The following KCND3 variants were observed in gnomAD, a reference collection of about 807,000 sequenced individuals.
KCND3 encodes A-type voltage-gated potassium channel KCND3.
A neutral mutation model predicts 51.1 loss-of-function variants in KCND3; 9 were observed. The ratio of observed to expected loss-of-function variants is 0.18; its 90% CI spans 0.11 to 0.31. The LOEUF is 0.31. Ranked by LOEUF, KCND3 falls within the 10% of genes least tolerant of loss-of-function variation. The pLI is 1.00. For missense variants in KCND3, 526 were observed against 903.8 expected, an observed-to-expected ratio of 0.58 and a Z score of 5.36; for synonymous variants, 349 against 368.0, an observed-to-expected ratio of 0.95 and a Z score of 0.59.
intron 2 of KCND3, among the ~76,000 whole-genome samples, chr1:111,808,378 G>A (rs184228047): frequency 5.9e-5 from 9 of 152,288 alleles, no homozygotes; most frequent in Admixed American, 1.3e-4. Flanking sequence ...CAATGAATGC[G>A]AGAGTTAAAG....
intron 2 of KCND3, among the ~76,000 whole-genome samples, chr1:111,792,097 A>G (rs1412050328): frequency 6.6e-6 from 1 of 152,194 alleles, no homozygotes; most frequent in African/African-American, 2.4e-5. Context: ...TAGAGAAGGG[A>G]GGCTGGGATG....
intron 2 of KCND3, among the ~76,000 whole-genome samples, chr1:111,979,201 C>G (rs1674806566): frequency 6.6e-6 from 1 of 152,142 alleles, no homozygotes; most frequent in Non-Finnish European, 1.5e-5. Flanking sequence ...TTCCTTTCAC[C>G]CTCCAGCAGA....
intron 2 of KCND3, among the ~76,000 whole-genome samples, chr1:111,971,578 AT>A (rs572942746): frequency 8.6e-5 from 13 of 151,504 alleles, no homozygotes; most frequent in African/African-American, 3.2e-4. Flanking sequence ...AATCTCATCT[AT>A]TTTTTCTGCT....
chr1:111,987,039 G>A (rs956008685), intron 1 of KCND3, among the ~76,000 whole-genome samples: 1 of 152,102 alleles, frequency 6.6e-6, no homozygotes, highest in Non-Finnish European at 1.5e-5. Context: ...GGTTCAAGAG[G>A]CAAAAAGTAA....
At chr1:111,937,166 T>C (rs994644680) in intron 2 of KCND3, among the ~76,000 whole-genome samples, 4 of 152,078 alleles carry the variant, frequency 2.6e-5, no homozygotes, top group African/African-American at 9.7e-5. Flanking sequence ...GGCCATTTCC[T>C]GAGATAAGGA....
At chr1:111,777,527 A>G (rs1471138405) in intron 6 of KCND3, among the ~76,000 whole-genome samples, 1 of 152,250 alleles carries the variant, frequency 6.6e-6, no homozygotes, top group Non-Finnish European at 1.5e-5. Context: ...ATGATGTGAC[A>G]TATACTTCAC....
intron 2 of KCND3, among the ~76,000 whole-genome samples, chr1:111,970,569 A>T (rs150751466): frequency 1.5e-4 from 23 of 152,228 alleles, no homozygotes; most frequent in African/African-American, 5.5e-4. Context: ...TCCTTGACTC[A>T]CGCCTCTGAC....
intron 2 of KCND3, among the ~76,000 whole-genome samples, chr1:111,955,520 G>GC (rs1430646944): frequency 1.3e-5 from 2 of 152,154 alleles, no homozygotes; most frequent in African/African-American, 4.8e-5. Flanking sequence ...TGGATGGGGG[G>GC]CCACATTTCT....
At chr1:111,863,173 A>C (rs1444972686) in intron 2 of KCND3, among the ~76,000 whole-genome samples, 1 of 152,252 alleles carries the variant, frequency 6.6e-6, no homozygotes, top group Non-Finnish European at 1.5e-5. Flanking sequence ...GGCAGGCATT[A>C]CTATCCTCAT....
chr1:111,907,067 C>T (rs994750092), intron 2 of KCND3, among the ~76,000 whole-genome samples: 1 of 152,148 alleles, frequency 6.6e-6, no homozygotes, highest in Non-Finnish European at 1.5e-5. Context: ...CCCTACTGTC[C>T]CCCAATCCTG....
intron 2 of KCND3, among the ~76,000 whole-genome samples, chr1:111,799,164 C>T (rs1012049013): frequency 6.6e-6 from 1 of 151,720 alleles, no homozygotes; most frequent in South Asian, 2.1e-4. Flanking sequence ...ACATTCTTAA[C>T]CTAGGGCTTC....
intron 2 of KCND3, among the ~76,000 whole-genome samples, chr1:111,956,465 C>T (rs992533744): frequency 4.6e-5 from 7 of 152,188 alleles, no homozygotes; most frequent in Admixed American, 2.0e-4. Flanking sequence ...TTAAGTTTCT[C>T]TCAGGCTGAT....
intron 2 of KCND3, among the ~76,000 whole-genome samples, chr1:111,952,246 G>C (rs763003499): frequency 6.6e-6 from 1 of 152,148 alleles, no homozygotes; most frequent in African/African-American, 2.4e-5. Context: ...GGAGGTGGCT[G>C]CTTGCTGCAT....
At chr1:111,967,667 G>A (rs892224524) in intron 2 of KCND3, among the ~76,000 whole-genome samples, 4 of 152,342 alleles carry the variant, frequency 2.6e-5, no homozygotes, top group South Asian at 2.1e-4. Flanking sequence ...ACCCCAGTGC[G>A]CTACCTTCTT....
At chr1:111,953,294 AAG>A (rs767982669) in intron 2 of KCND3, among the ~76,000 whole-genome samples, 1 of 152,196 alleles carries the variant, frequency 6.6e-6, no homozygotes, top group African/African-American at 2.4e-5. Context: ...AGGACCTCTG[AAG>A]AGAGTTACTG....
intron 2 of KCND3, among the ~76,000 whole-genome samples, chr1:111,886,534 A>G (rs1175015946): frequency 6.6e-6 from 1 of 152,206 alleles, no homozygotes; most frequent in Non-Finnish European, 1.5e-5. Context: ...CTTTTTGTAT[A>G]GCTCTAGACT....
intron 2 of KCND3, among the ~76,000 whole-genome samples, chr1:111,928,406 G>A (rs186870081): frequency 2.6e-5 from 4 of 152,126 alleles, no homozygotes; most frequent in East Asian, 3.9e-4. Flanking sequence ...CACAAAAAAC[G>A]CAGATCATGG....
intron 2 of KCND3, among the ~76,000 whole-genome samples, chr1:111,857,350 G>A (rs1326881131): frequency 6.6e-6 from 1 of 152,136 alleles, no homozygotes; most frequent in Non-Finnish European, 1.5e-5. Context: ...CTGTGCAGAG[G>A]GCACGGGGCT....
At position 111,771,380 on chromosome 1, in the gene KCND3, C is replaced by T. The variant is rs1342062671; in HGVS notation, c.*4697G>A. 1.3e-5 allele frequency: 2 copies of T among 152,002 alleles called. No homozygotes were observed. The highest frequency in any genetic ancestry group is 3.9e-4 in the East Asian group (2 of 5,194). The allele number at this position is 152,002 out of a possible 1,614,324, so 9.4% of individuals were successfully genotyped here. A position where few individuals can be genotyped will look rare whatever the true frequency, so the allele number is the denominator to read the frequency against. On this transcript the variant is annotated 3_prime_UTR_variant, in exon 8 of 8. Coordinates refer to ENST00000302127, the MANE Select transcript of KCND3 (RefSeq NM_001378969.1). ...AAATAATGAGATTTCATTAGGAAAT[C>T]AGAAAGAGAAAATAAAAGTTTGTCA...
Sources: gnomAD v4.1 joint callset for allele counts (sites outside exome capture counted in the v4.1 genomes callset) on GRCh38, gnomAD v4.1.1 for gene constraint, MANE v1.5 for transcripts, NCBI Gene and HGNC (gene_info 2026-07-23, HGNC 2026-07-21) for gene names.